The following ARHGAP12 variants were observed in gnomAD, a reference collection of about 807,000 sequenced individuals.
ARHGAP12 encodes Rho GTPase activating protein 12.
A neutral mutation model predicts 108.6 loss-of-function variants in ARHGAP12; 64 were observed. The ratio of observed to expected loss-of-function variants is 0.59; its 90% confidence interval spans 0.48 to 0.73. The LOEUF (loss-of-function observed/expected upper bound fraction) is 0.73. Ranked by LOEUF, ARHGAP12 falls within the 30% of genes least tolerant of loss-of-function variation. The probability of loss-of-function intolerance (pLI) is 0.00; values close to 1 mark genes in which losing one functional copy is unlikely to be tolerated. For synonymous variants in ARHGAP12, 312 were observed against 337.2 expected, an observed-to-expected ratio of 0.93 and a Z score of 0.82; for missense variants, 940 against 1,005.9, an observed-to-expected ratio of 0.93 and a Z score of 0.89.
intron 1 of ARHGAP12, among the ~76,000 whole-genome samples, chr10:31,914,206 CTGTGTTTTAGAGGTCA>C (rs1433750273): frequency 6.6e-6 from 1 of 152,048 alleles, no homozygotes; most frequent in Admixed American, 6.5e-5. Flanking sequence ...CTTTCGTTGC[CTGTGTTTTAGAGGTCA>C]TATCCAAAAG....
chr10:31,826,619 A>G lies in ARHGAP12; in HGVS notation c.1449-234T>C, dbSNP rs148735807. Among the ~76,000 whole-genome samples, 8 of 152,352 alleles carry G rather than the reference A, an allele frequency of 5.3e-5. No homozygotes were observed. In the East Asian group the frequency reaches 1.3e-3, roughly 26 times the overall value. On this transcript the variant is annotated intron_variant, in intron 10 of 19. Coordinates refer to ENST00000344936, the MANE Select transcript of ARHGAP12 (RefSeq NM_018287.7). Reference sequence around the variant, plus strand: ...AAGTTAATCAGAGAAGTTATCAGAAATAACTATGAATGAATGACGCATGTA... The same window carrying G: ...AAGTTAATCAGAGAAGTTATCAGAAGTAACTATGAATGAATGACGCATGTA...
At chr10:31,892,641 C>A (rs926320812) in intron 3 of ARHGAP12, among the ~76,000 whole-genome samples, 3 of 152,156 alleles carry the variant, frequency 2.0e-5, no homozygotes, top group African/African-American at 7.2e-5. Flanking sequence ...GAGACTCCCA[C>A]ACAATAATAA....
Position 31,839,659 on chromosome 10 carries a change from G to A in ARHGAP12, c.1349C>T (p.Ser450Phe), listed in dbSNP as rs961127730. ...PCFPENESSPSSPKHQDTASS... is the reference protein window; with the variant it reads ...PCFPENESSPFSPKHQDTASS... ...AACTGTATCTTGGTGCTTTGGTGAG[G>A]AGGGAGAAGACTCATTTTCAGGAAA... Residue 450 changes from serine (S) to phenylalanine (F), a missense_variant, in exon 8 of 20, where the codon TCC becomes TTC. Ser to Phe is a radical substitution (Grantham distance 155, BLOSUM62 -2). Transcript: ENST00000344936. The A allele has an allele frequency of 1.2e-6, 2 of 1,608,182 alleles. No homozygotes were observed. Among genetic ancestry groups the A allele is most frequent in the East Asian group, 2.2e-5 (1 of 44,610 alleles).
chr10:31,811,182 G>C (rs1439786726), intron 15 of ARHGAP12, among the ~76,000 whole-genome samples: 2 of 152,168 alleles, frequency 1.3e-5, no homozygotes, highest in African/African-American at 2.4e-5. Context: ...TCCTACTTGA[G>C]TATAAGTTTC....
chr10:31,851,413 T>C (rs549565053), intron 6 of ARHGAP12, among the ~76,000 whole-genome samples: 5 of 152,256 alleles, frequency 3.3e-5, no homozygotes, highest in Admixed American at 1.3e-4. Flanking sequence ...TACCAGTATT[T>C]CCTTTATCTA....
intron 3 of ARHGAP12, among the ~76,000 whole-genome samples, chr10:31,888,657 TGTCTAAGCTA>T (rs1838277002): frequency 6.6e-6 from 1 of 152,178 alleles, no homozygotes; most frequent in Non-Finnish European, 1.5e-5. Flanking sequence ...CATTCCCCTT[TGTCTAAGCTA>T]GTCATAGCTG....
In ARHGAP12 at chr10:31,899,202, T is replaced by C. The variant is rs957079659; in HGVS notation, c.684+8970A>G. On this transcript the variant is annotated intron_variant, in intron 3 of 19. Coordinates refer to ENST00000344936, the MANE Select transcript of ARHGAP12 (RefSeq NM_018287.7). ...ACAGTGGGGTGATAGCTAAAGGTTA[T>C]AGAAAACTACAAAACTCTAATGAAC... Among the ~76,000 whole-genome samples, 7 of 152,344 alleles carry C rather than the reference T, an allele frequency of 4.6e-5. No homozygotes were observed. The South Asian group carries it at 6.2e-4, about 14-fold the overall frequency.
At chr10:31,823,585 T>C (rs1027841818) in intron 11 of ARHGAP12, among the ~76,000 whole-genome samples, 3 of 151,894 alleles carry the variant, frequency 2.0e-5, no homozygotes, top group African/African-American at 7.3e-5. Context: ...TGCCCTGGAG[T>C]GAGTAGAAGA....
At position 31,912,637 on chromosome 10, in the gene ARHGAP12, G is replaced by C. The variant is rs140340278; in HGVS notation, c.-110-2074C>G. ...AAAGGAGATGGATAAGTGGTCAAAA[G>C]GTATCTCTATAGAAAAGGTGGTTAG... On this transcript the variant is annotated intron_variant, in intron 1 of 19. Coordinates refer to ENST00000344936, the MANE Select transcript of ARHGAP12 (RefSeq NM_018287.7). 2.0e-3 allele frequency among the ~76,000 whole-genome samples: 302 copies of C among 152,252 alleles called. 1 individual carries two copies. The highest frequency in any genetic ancestry group is 3.6e-3 in the Non-Finnish European group (245 of 68,028).
chr10:31,899,076 C>G (rs1322777940), intron 3 of ARHGAP12, among the ~76,000 whole-genome samples: 1 of 152,112 alleles, frequency 6.6e-6, no homozygotes, highest in Non-Finnish European at 1.5e-5. Flanking sequence ...TCACAAAAGA[C>G]CACATAAATA....
intron 9 of ARHGAP12, among the ~76,000 whole-genome samples, chr10:31,838,728 G>C (rs1281328837): frequency 6.6e-6 from 1 of 151,526 alleles, no homozygotes; most frequent in Non-Finnish European, 1.5e-5. Context: ...CTACTCGGCA[G>C]GCTGAGACAG....
chr10:31,889,633 T>G lies in ARHGAP12; in HGVS notation c.684+18539A>C, dbSNP rs548593905. 4.5e-3 allele frequency among the ~76,000 whole-genome samples: 621 copies of G among 137,946 alleles called. 2 individuals are homozygous for G. Among genetic ancestry groups the G allele is most frequent in the Non-Finnish European group, 7.1e-3 (461 of 65,154 alleles). The allele number at this position is 137,946 out of a possible 152,430, so 90.5% of individuals were successfully genotyped here. On this transcript the variant is annotated intron_variant, in intron 3 of 19. Transcript: ENST00000344936. ...TAATTTTTCTCGTTTTTTTTTTTTT[T>G]TTTTTTTTTTTGAGACAGGATCTCG...
At chr10:31,883,889 A>AT (rs1838088903) in intron 3 of ARHGAP12, among the ~76,000 whole-genome samples, 1 of 151,374 alleles carries the variant, frequency 6.6e-6, no homozygotes, top group Non-Finnish European at 1.5e-5. Flanking sequence ...TTTTTTTTGT[A>AT]TTTTTTATAG....
chr10:31,859,078 C>G (rs1477287472), intron 4 of ARHGAP12, among the ~76,000 whole-genome samples: 1 of 152,170 alleles, frequency 6.6e-6, no homozygotes, highest in African/African-American at 2.4e-5. Flanking sequence ...CAGCCCATCC[C>G]TACCCCAGCA....
intron 6 of ARHGAP12, among the ~76,000 whole-genome samples, chr10:31,844,624 T>C (rs1032182008): frequency 1.3e-5 from 2 of 151,882 alleles, no homozygotes; most frequent in Non-Finnish European, 2.9e-5. Context: ...ACCTTGAACT[T>C]CTGGGCTCAA....
intron 6 of ARHGAP12, among the ~76,000 whole-genome samples, chr10:31,844,895 T>C (rs936302153): frequency 2.0e-5 from 3 of 152,160 alleles, no homozygotes; most frequent in African/African-American, 7.2e-5. Context: ...TTTGCAAATA[T>C]AAATTTTAGG....
Position 31,805,753 on chromosome 10 carries a change from G to C in ARHGAP12, c.*1905C>G, listed in dbSNP as rs1834802899. 6.6e-6 allele frequency: 1 copy of C among 150,706 alleles called. No individual in the cohort carries two copies. Among genetic ancestry groups the C allele is most frequent in the South Asian group, 2.1e-4 (1 of 4,758 alleles). The allele number at this position is 150,706 out of a possible 1,614,324, so 9.3% of individuals were successfully genotyped here. ...ATATGTTCATGAACACCAAGAACAA[G>C]AACATCACTGATTTGAGTCTAATTG... On this transcript the variant is annotated 3_prime_UTR_variant, in exon 20 of 20. Transcript: ENST00000344936.
chr10:31,896,172 G>A (rs1400836896), intron 3 of ARHGAP12, among the ~76,000 whole-genome samples: 2 of 151,828 alleles, frequency 1.3e-5, no homozygotes, highest in East Asian at 3.9e-4. Context: ...ACACCAACAT[G>A]GCCCATGTAT....
intron 3 of ARHGAP12, among the ~76,000 whole-genome samples, chr10:31,888,914 A>AC (rs1184341021): frequency 7.0e-6 from 1 of 143,164 alleles, no homozygotes; most frequent in Non-Finnish European, 1.6e-5. Context: ...ACATAAGAGG[A>AC]CTTTTTTTTT....
Sources: gnomAD v4.1 joint callset for allele counts (sites outside exome capture counted in the v4.1 genomes callset) on GRCh38, gnomAD v4.1.1 for gene constraint, MANE v1.5 for transcripts, NCBI Gene and HGNC (gene_info 2026-07-23, HGNC 2026-07-21) for gene names.